ACTR3C: variants seen among roughly 807,000 people sequenced by gnomAD.
ACTR3C encodes the protein actin-related protein 3C.
In ACTR3C, 18 loss-of-function variants were observed where a neutral mutation model predicts 26.3. That is an observed-to-expected ratio of 0.68 (90% CI 0.47 to 1.01). The LOEUF is 1.01. Ranked by LOEUF, ACTR3C falls within the 50% of genes least tolerant of loss-of-function variation. ACTR3C has a pLI of 0.00. For missense variants in ACTR3C, 184 were observed against 250.7 expected, an observed-to-expected ratio of 0.73 and a Z score of 1.80; for synonymous variants, 55 against 94.5, an observed-to-expected ratio of 0.58 and a Z score of 2.42.
chr7:150,319,743 C>A (rs1797305464), intron 1 of ACTR3C, among the ~76,000 whole-genome samples: 1 of 152,202 alleles, frequency 6.6e-6, no homozygotes, highest in Non-Finnish European at 1.5e-5. Context: ...ACCCTACCAA[C>A]CTCTCCCCTG....
intron 1 of ACTR3C, among the ~76,000 whole-genome samples, chr7:150,315,926 G>A (rs1228016248): frequency 6.6e-6 from 1 of 152,092 alleles, no homozygotes; most frequent in Non-Finnish European, 1.5e-5. Context: ...GGCCGGCCGC[G>A]GTGGCTCACG....
chr7:149,993,644 C>G, the ACTR3C span, among the ~76,000 whole-genome samples: 1 of 152,050 alleles, frequency 6.6e-6, no homozygotes, highest in Admixed American at 6.5e-5. Flanking sequence ...TCCCCTTGAG[C>G]TAAGCAGGGC....
the ACTR3C span, among the ~76,000 whole-genome samples, chr7:150,020,463 CA>C: frequency 6.6e-6 from 1 of 152,042 alleles, no homozygotes; most frequent in Admixed American, 6.5e-5. Context: ...TTACAGTTTA[CA>C]AGGCATTTAT....
the ACTR3C span, among the ~76,000 whole-genome samples, chr7:150,157,536 T>A: frequency 1.3e-5 from 2 of 151,822 alleles, no homozygotes; most frequent in African/African-American, 4.8e-5. Context: ...GATCCAAGGT[T>A]AGAACACAGG....
At chr7:149,944,920 A>G in the ACTR3C span, among the ~76,000 whole-genome samples, 1 of 151,934 alleles carries the variant, frequency 6.6e-6, no homozygotes, top group African/African-American at 2.4e-5. Flanking sequence ...TGAAGGCAGG[A>G]AAGAAAGGCC....
the ACTR3C span, among the ~76,000 whole-genome samples, chr7:150,124,796 G>T: frequency 6.6e-6 from 1 of 152,084 alleles, no homozygotes; most frequent in African/African-American, 2.4e-5. Flanking sequence ...CAACAAGAAT[G>T]ATAGTAAATG....
chr7:150,031,451 C>T, the ACTR3C span, among the ~76,000 whole-genome samples: 5 of 152,082 alleles, frequency 3.3e-5, no homozygotes, highest in South Asian at 2.1e-4. Context: ...TAAAACAACT[C>T]ACCTCCTGAA....
chr7:149,888,445 T>C, the ACTR3C span, among the ~76,000 whole-genome samples: 5 of 152,266 alleles, frequency 3.3e-5, no homozygotes, highest in African/African-American at 7.2e-5. Context: ...TGGTTTTAAC[T>C]TGCATTTCCC....
the ACTR3C span, among the ~76,000 whole-genome samples, chr7:150,131,268 T>C: frequency 6.6e-6 from 1 of 151,502 alleles, no homozygotes; most frequent in Non-Finnish European, 1.5e-5. Context: ...CTGACTTAGG[T>C]AACTTTCTGT....
At chr7:150,006,869 A>T in the ACTR3C span, among the ~76,000 whole-genome samples, 150,440 of 152,322 alleles carry the variant, frequency 0.99, 74,313 homozygotes, top group East Asian at 1. Flanking sequence ...TTAGATTTCA[A>T]AACATACTTC....
the ACTR3C span, among the ~76,000 whole-genome samples, chr7:150,144,081 A>C: frequency 6.6e-6 from 1 of 152,228 alleles, no homozygotes; most frequent in Middle Eastern, 3.4e-3. The surrounding 1 kb of genome is among the most constrained non-coding windows in gnomAD (Gnocchi z 4.6). Context: ...GGTGGTAAGA[A>C]GGCTTTTGAG....
the ACTR3C span, among the ~76,000 whole-genome samples, chr7:150,120,974 A>T: frequency 6.6e-6 from 1 of 152,242 alleles, no homozygotes; most frequent in Non-Finnish European, 1.5e-5. Flanking sequence ...AAACAGAATC[A>T]GTGACAAAAA....
At chr7:149,937,888 G>C in the ACTR3C span, among the ~76,000 whole-genome samples, 4 of 152,304 alleles carry the variant, frequency 2.6e-5, no homozygotes, top group Non-Finnish European at 5.9e-5. Context: ...ATGGGAGGTT[G>C]ACTCTCTGGA....
chr7:150,243,532 T>C (rs1832299739), downstream of ACTR3C, among the ~76,000 whole-genome samples: 1 of 152,030 alleles, frequency 6.6e-6, no homozygotes, highest in African/African-American at 2.4e-5. Flanking sequence ...GTGTAAAACT[T>C]TGTGTATATA....
the ACTR3C span, among the ~76,000 whole-genome samples, chr7:150,065,454 C>T: frequency 6.0e-4 from 91 of 152,296 alleles, no homozygotes; most frequent in African/African-American, 2.1e-3. Flanking sequence ...TGAACGGAGC[C>T]TTCACGCCCT....
the ACTR3C span, among the ~76,000 whole-genome samples, chr7:149,898,831 G>T: frequency 6.6e-6 from 1 of 152,020 alleles, no homozygotes. Context: ...GAGAATAAAA[G>T]TATATAGAGC....
intron 6 of ACTR3C, among the ~76,000 whole-genome samples, chr7:150,269,248 A>G (rs1366475228): frequency 1.9e-5 from 2 of 103,670 alleles, no homozygotes; most frequent in African/African-American, 4.7e-5. Flanking sequence ...CCAGCAGAAG[A>G]CAAGCGTTTA....
At chr7:150,038,966 G>T in the ACTR3C span, among the ~76,000 whole-genome samples, 1 of 93,602 alleles carries the variant, frequency 1.1e-5, no homozygotes, top group Non-Finnish European at 2.3e-5. Flanking sequence ...TGTGGTGGGT[G>T]CCTCCCCCTC....
chr7:149,952,750 A>T, the ACTR3C span, among the ~76,000 whole-genome samples: 2 of 151,358 alleles, frequency 1.3e-5, no homozygotes, highest in African/African-American at 4.9e-5. Flanking sequence ...TAATCAAAAA[A>T]TGCAAATTAG....
Sources: allele counts gnomAD v4.1 joint callset (sites outside exome capture counted in the v4.1 genomes callset), GRCh38; gene constraint gnomAD v4.1.1; non-coding constraint Gnocchi (gnomAD v3.1); transcripts MANE v1.5; gene names NCBI Gene and HGNC (gene_info 2026-07-23, HGNC 2026-07-21).